The following AP2B1 variants were observed in gnomAD, a reference collection of about 807,000 sequenced individuals.
AP2B1 encodes the protein AP-2 complex subunit beta.
AP2B1 carries 23 observed loss-of-function variants against 102.0 expected under a neutral mutation model. That is an observed-to-expected ratio of 0.23 (90% CI 0.16 to 0.32). The LOEUF (loss-of-function observed/expected upper bound fraction) is 0.32. Among genes scored for constraint, AP2B1 ranks in the 10% least tolerant of loss-of-function variants. The pLI is 1.00. For missense variants in AP2B1, 541 were observed against 1,157.4 expected, an observed-to-expected ratio of 0.47 and a Z score of 7.73; for synonymous variants, 381 against 421.2, an observed-to-expected ratio of 0.90 and a Z score of 1.17.
chr17:35,641,047 A>G (rs942868495), intron 11 of AP2B1, among the ~76,000 whole-genome samples: 7 of 152,208 alleles, frequency 4.6e-5, no homozygotes, highest in Admixed American at 3.9e-4. Context: ...GTAATCTACT[A>G]TAGCAATTTT....
intron 5 of AP2B1, among the ~76,000 whole-genome samples, chr17:35,609,348 A>ATTTT (rs71366466): frequency 3.6e-5 from 5 of 139,458 alleles, no homozygotes; most frequent in African/African-American, 8.1e-5. Flanking sequence ...CATCCCGCTA[A>ATTTT]TTTTTTTTTT....
chr17:35,670,977 C>T (rs951746910), intron 15 of AP2B1, 79 bp downstream of exon 15: 16 of 1,444,596 alleles, frequency 1.1e-5, no homozygotes, highest in Non-Finnish European at 1.4e-5. Context: ...ATTATCAGAC[C>T]AGCCACTGCT....
chr17:35,619,909 C>A (rs112760906), intron 5 of AP2B1, among the ~76,000 whole-genome samples: 1 of 151,966 alleles, frequency 6.6e-6, no homozygotes, highest in Non-Finnish European at 1.5e-5. Context: ...CTCAGCCTCC[C>A]GAGTAGCTGG....
At position 35,725,465 on chromosome 17, in the gene AP2B1, A is replaced by T. The variant is rs2143017242; in HGVS notation, c.*1766A>T. On this transcript the variant is annotated 3_prime_UTR_variant, in exon 22 of 22. Coordinates refer to ENST00000610402, the MANE Select transcript of AP2B1 (RefSeq NM_001030006.2). ...CATGTCTGAAATAACCCTGTTTCAT[A>T]CCAGTTGCAAAGCTTGTGGGGAGCG... 6.6e-6 allele frequency: 1 copy of T among 152,292 alleles called. No homozygotes were observed. Among genetic ancestry groups the T allele is most frequent in the Admixed American group, 6.5e-5 (1 of 15,302 alleles). The allele number at this position is 152,292 out of a possible 1,614,324, so 9.4% of individuals were successfully genotyped here. A position where few individuals can be genotyped will look rare whatever the true frequency, so the allele number is the denominator to read the frequency against.
At chr17:35,637,905 G>A (rs113495702) in intron 10 of AP2B1, among the ~76,000 whole-genome samples, 2 of 151,944 alleles carry the variant, frequency 1.3e-5, no homozygotes, top group South Asian at 2.1e-4. Flanking sequence ...GGCTGGTCTC[G>A]AACTTCTGAC....
At chr17:35,695,085 C>A (rs180784558) in intron 18 of AP2B1, among the ~76,000 whole-genome samples, 54 of 152,298 alleles carry the variant, frequency 3.5e-4, no homozygotes, top group Middle Eastern at 6.8e-3. Flanking sequence ...AGACTGGTCC[C>A]TTTCGGCTTA....
chr17:35,634,508 T>C (rs1053432270), intron 9 of AP2B1, among the ~76,000 whole-genome samples: 1 of 152,206 alleles, frequency 6.6e-6, no homozygotes, highest in African/African-American at 2.4e-5. Flanking sequence ...TCTCTCTCTT[T>C]TAAAAATGAT....
intron 5 of AP2B1, among the ~76,000 whole-genome samples, chr17:35,609,432 C>T (rs1413614744): frequency 2.6e-5 from 4 of 151,576 alleles, no homozygotes; most frequent in Non-Finnish European, 5.9e-5. Context: ...CTGCAAGCTC[C>T]GCCTTCCAGG....
chr17:35,676,845 G>A (rs143029920), intron 17 of AP2B1, among the ~76,000 whole-genome samples: 7 of 151,924 alleles, frequency 4.6e-5, no homozygotes, highest in Admixed American at 2.6e-4. Flanking sequence ...GTTGTTTTTG[G>A]GGGGAGAGAG....
At chr17:35,629,730 A>G (rs530960992) in intron 9 of AP2B1, among the ~76,000 whole-genome samples, 1 of 152,230 alleles carries the variant, frequency 6.6e-6, no homozygotes, top group Non-Finnish European at 1.5e-5. Flanking sequence ...GCTGTCGACT[A>G]TCAGGTTTCT....
intron 2 of AP2B1, 85 bp from the exon 3 acceptor site, chr17:35,598,145 C>A: frequency 3.4e-6 from 2 of 581,220 alleles, no homozygotes; most frequent in Non-Finnish European, 2.9e-6. Flanking sequence ...GCCCTGCTAT[C>A]CTGGTATTGG....
chr17:35,717,833 A>G (rs191371085), intron 21 of AP2B1, among the ~76,000 whole-genome samples: 9 of 152,304 alleles, frequency 5.9e-5, no homozygotes, highest in Admixed American at 4.6e-4. Flanking sequence ...GTGAGGCAAA[A>G]TGGAACACAC....
Position 35,626,571 on chromosome 17 carries a change from C to T in AP2B1, c.717-50C>T, listed in dbSNP as rs1220913701. 13 of 1,419,750 alleles carry T rather than the reference C, an allele frequency of 9.2e-6. No homozygotes were observed. The Admixed American group carries it at 1.7e-4, about 19-fold the overall frequency. The allele number at this position is 1,419,750 out of a possible 1,614,324, so 87.9% of individuals were successfully genotyped here. A position where few individuals can be genotyped will look rare whatever the true frequency, so the allele number is the denominator to read the frequency against. On this transcript the variant is annotated intron_variant, in intron 6 of 21. Coordinates refer to ENST00000610402, the MANE Select transcript of AP2B1 (RefSeq NM_001030006.2). ...GACATATTACCTTATAGAATGAATT[C>T]AGCAAATAAATTATAATTCATGATA...
chr17:35,710,990 C>T (rs2076435409), intron 20 of AP2B1, among the ~76,000 whole-genome samples: 1 of 152,146 alleles, frequency 6.6e-6, no homozygotes, highest in Non-Finnish European at 1.5e-5. Context: ...CTTTAATCAC[C>T]ATTAAAGAGC....
At chr17:35,603,386 T>G (rs2073555880) in intron 3 of AP2B1, among the ~76,000 whole-genome samples, 1 of 152,234 alleles carries the variant, frequency 6.6e-6, no homozygotes, top group Non-Finnish European at 1.5e-5. Flanking sequence ...CAGCTTACAC[T>G]TTAGAATCTG....
At chr17:35,599,639 C>A (rs2073410484) in intron 3 of AP2B1, among the ~76,000 whole-genome samples, 1 of 152,094 alleles carries the variant, frequency 6.6e-6, no homozygotes, top group African/African-American at 2.4e-5. Context: ...CGTGGTGGCT[C>A]ACGGTTGTGA....
At chr17:35,626,981 C>A in intron 7 of AP2B1, 139 bp downstream of exon 7, 1 of 813,946 alleles carries the variant, frequency 1.2e-6, no homozygotes, top group Non-Finnish European at 1.9e-6. Flanking sequence ...AACTTGCTTG[C>A]CTAGCACCAG....
chr17:35,624,411 C>T lies in AP2B1; in HGVS notation c.540C>T (p.Ala180=), dbSNP rs746003974. 1.7e-5 allele frequency: 27 copies of T among 1,613,896 alleles called. No individual in the cohort carries two copies. Among genetic ancestry groups the T allele is most frequent in the Non-Finnish European group, 2.2e-5 (26 of 1,179,970 alleles). Residue 180 remains alanine, a synonymous_variant, in exon 6 of 22, where the codon GCC becomes GCT. Coordinates refer to ENST00000610402, the MANE Select transcript of AP2B1 (RefSeq NM_001030006.2). ...ADSNPMVVAN[A]VAALSEISES... ...TTCTTTTCCAGGTGGTGGCTAATGC[C>T]GTAGCGGCATTATCTGAAATCAGTG... is the stretch of plus-strand genomic sequence containing the variant.
chr17:35,678,087 T>A (rs2142984877), intron 17 of AP2B1, among the ~76,000 whole-genome samples: 2 of 152,286 alleles, frequency 1.3e-5, no homozygotes, highest in Middle Eastern at 6.8e-3. Context: ...CTTGAACTCC[T>A]GACCTCAGGT....
Sources: gnomAD v4.1 joint callset for allele counts (sites outside exome capture counted in the v4.1 genomes callset) on GRCh38, gnomAD v4.1.1 for gene constraint, MANE v1.5 for transcripts, NCBI Gene and HGNC (gene_info 2026-07-23, HGNC 2026-07-21) for gene names.